CEP128: variants seen among roughly 807,000 people sequenced by gnomAD.
CEP128 encodes centrosomal protein 128, also known as centrosomal protein 128kDa.
CEP128 carries 132 observed loss-of-function variants against 156.7 expected under a neutral mutation model. That is an observed-to-expected ratio of 0.84 (90% CI 0.73 to 0.97). CEP128 has a LOEUF of 0.97. Ranked by LOEUF, CEP128 falls within the 50% of genes least tolerant of loss-of-function variation. The pLI is 0.00. For missense variants in CEP128, 1,252 were observed against 1,281.9 expected (o/e 0.98, Z 0.36); for synonymous variants, 469 against 448.9 (o/e 1.04, Z -0.57).
At chr14:80,851,945 C>T (rs1886912083) in intron 9 of CEP128, among the ~76,000 whole-genome samples, 1 of 151,850 alleles carries the variant, frequency 6.6e-6, no homozygotes, top group Non-Finnish European at 1.5e-5. Flanking sequence ...ATGCACAAAA[C>T]AGATAAAAGA....
At chr14:80,841,303 C>A (rs1472816962) in intron 9 of CEP128, among the ~76,000 whole-genome samples, 9 of 151,990 alleles carry the variant, frequency 5.9e-5, no homozygotes, top group Non-Finnish European at 2.9e-5. Flanking sequence ...AAAGTCCATA[C>A]AGCTTGTGAA....
At chr14:80,567,311 G>T (rs1417472468) in intron 20 of CEP128, among the ~76,000 whole-genome samples, 1 of 152,112 alleles carries the variant, frequency 6.6e-6, no homozygotes, top group Non-Finnish European at 1.5e-5. Context: ...TATGTGTACG[G>T]GTTTGTGGGG....
At chr14:80,651,915 T>A (rs531814316) in intron 19 of CEP128, among the ~76,000 whole-genome samples, 19 of 152,250 alleles carry the variant, frequency 1.2e-4, no homozygotes, top group Admixed American at 3.3e-4. Flanking sequence ...TGGAGAGTTC[T>A]GTAGATATCT....
At chr14:80,622,940 C>G (rs1469879200) in intron 19 of CEP128, among the ~76,000 whole-genome samples, 1 of 151,782 alleles carries the variant, frequency 6.6e-6, no homozygotes, top group East Asian at 1.9e-4. Flanking sequence ...ACCATTTGAC[C>G]CAGCCATCCC....
intron 20 of CEP128, among the ~76,000 whole-genome samples, chr14:80,566,621 TA>T (rs1254875940): frequency 1.2e-4 from 19 of 152,212 alleles, no homozygotes; most frequent in African/African-American, 4.1e-4. Flanking sequence ...GATTTATATA[TA>T]AAATTGTATG....
intron 13 of CEP128, among the ~76,000 whole-genome samples, chr14:80,812,329 T>C (rs187054889): frequency 6.0e-4 from 91 of 152,346 alleles, no homozygotes; most frequent in African/African-American, 1.9e-3. Flanking sequence ...GTTGATTCCA[T>C]TTCTTTGCTA....
chr14:80,573,080 G>A (rs909239694), intron 20 of CEP128, among the ~76,000 whole-genome samples: 3 of 142,026 alleles, frequency 2.1e-5, no homozygotes, highest in Non-Finnish European at 3.0e-5. Context: ...GGGCTACCAC[G>A]CCTGACTAAT....
chr14:80,815,893 T>C (rs986991719), intron 13 of CEP128, among the ~76,000 whole-genome samples: 4 of 152,100 alleles, frequency 2.6e-5, no homozygotes, highest in Admixed American at 1.3e-4. Context: ...CACATGGACA[T>C]AGAGTGTGGA....
chr14:80,681,139 A>G (rs1462590918), intron 19 of CEP128, among the ~76,000 whole-genome samples: 1 of 152,152 alleles, frequency 6.6e-6, no homozygotes, highest in Non-Finnish European at 1.5e-5. Context: ...GTACTATAAA[A>G]GCAAAGCCAA....
chr14:80,650,323 C>T (rs1327130378), intron 19 of CEP128, among the ~76,000 whole-genome samples: 6 of 152,116 alleles, frequency 3.9e-5, no homozygotes, highest in South Asian at 2.1e-4. Flanking sequence ...TGGGCTGAGA[C>T]GATGGGGTTT....
intron 24 of CEP128, among the ~76,000 whole-genome samples, chr14:80,501,053 A>G (rs1350149158): frequency 1.3e-5 from 2 of 151,764 alleles, no homozygotes; most frequent in Non-Finnish European, 2.9e-5. Flanking sequence ...TTAAGTGTTC[A>G]ATCGTATCAG....
chr14:80,778,742 A>G (rs1279396211), intron 15 of CEP128, among the ~76,000 whole-genome samples: 2 of 152,222 alleles, frequency 1.3e-5, no homozygotes, highest in Non-Finnish European at 2.9e-5. Context: ...AACTTTGGAA[A>G]TAATCTATTC....
intron 19 of CEP128, among the ~76,000 whole-genome samples, chr14:80,679,536 C>T (rs185955426): frequency 6.6e-6 from 1 of 152,288 alleles, no homozygotes; most frequent in East Asian, 1.9e-4. Flanking sequence ...AAATCCCACC[C>T]TGGAGAATTT....
rs910671619 is a variant in CEP128 at position 80,496,517 on chromosome 14, T to C, written c.*962A>G. ...GGTATTGCTTTATTGCCCTTGTCTA[T>C]GCAGAATCCATGACCCAATAGGATT... On this transcript the variant is annotated 3_prime_UTR_variant, in exon 25 of 25. Transcript: ENST00000555265. 3 of 152,642 alleles carry C rather than the reference T, an allele frequency of 2.0e-5. No homozygotes were observed. Among genetic ancestry groups the C allele is most frequent in the Non-Finnish European group, 4.4e-5 (3 of 68,028 alleles). 9.5% of individuals were successfully genotyped at this position (152,642 alleles called of 1,614,324 possible). A position where few individuals can be genotyped will look rare whatever the true frequency, so the allele number is the denominator to read the frequency against.
At chr14:80,819,899 T>A (rs960581382) in intron 13 of CEP128, among the ~76,000 whole-genome samples, 1 of 152,086 alleles carries the variant, frequency 6.6e-6, no homozygotes, top group Admixed American at 6.6e-5. Context: ...ATTTTTTTCA[T>A]TGCCAAGTAG....
intron 23 of CEP128, among the ~76,000 whole-genome samples, chr14:80,516,112 C>T (rs1286296044): frequency 6.6e-6 from 1 of 152,136 alleles, no homozygotes; most frequent in Non-Finnish European, 1.5e-5. Context: ...AGGTGATTTG[C>T]ACACCTCAGC....
At chr14:80,735,604 T>C (rs566258352) in intron 19 of CEP128, among the ~76,000 whole-genome samples, 1 of 152,344 alleles carries the variant, frequency 6.6e-6, no homozygotes, top group Admixed American at 6.5e-5. Context: ...TATTGGTATA[T>C]TAGTTTTTCA....
chr14:80,884,427 G>T (rs1053074078), intron 8 of CEP128, among the ~76,000 whole-genome samples: 3 of 152,184 alleles, frequency 2.0e-5, no homozygotes, highest in Non-Finnish European at 4.4e-5. Context: ...CACAGAAGGT[G>T]GGAGAGTTCT....
chr14:80,910,104 G>A (rs1384741717), intron 4 of CEP128, among the ~76,000 whole-genome samples: 3 of 152,086 alleles, frequency 2.0e-5, no homozygotes, highest in African/African-American at 7.2e-5. Context: ...ATGAAATATT[G>A]TAAAATGGAC....
Sources: allele counts gnomAD v4.1 joint callset (sites outside exome capture counted in the v4.1 genomes callset), GRCh38; gene constraint gnomAD v4.1.1; transcripts MANE v1.5; gene names NCBI Gene and HGNC (gene_info 2026-07-23, HGNC 2026-07-21).